UNC5C: variants seen among roughly 807,000 people sequenced by gnomAD.
The protein encoded by UNC5C is unc-5 netrin receptor C.
A neutral mutation model predicts 99.8 loss-of-function variants in UNC5C; 47 were observed. The observed-to-expected ratio is 0.47, with a 90% confidence interval of 0.37 to 0.60. The LOEUF (loss-of-function observed/expected upper bound fraction) is 0.60. Ranked by LOEUF, UNC5C falls within the 20% of genes least tolerant of loss-of-function variation. UNC5C has a pLI of 0.00. For missense variants in UNC5C, 1,062 were observed against 1,165.9 expected (o/e 0.91, Z 1.30); for synonymous variants, 487 against 452.2 (o/e 1.08, Z -0.98).
chr4:95,288,245 G>A (rs952418803), intron 3 of UNC5C, among the ~76,000 whole-genome samples: 1 of 151,972 alleles, frequency 6.6e-6, no homozygotes, highest in Non-Finnish European at 1.5e-5. Flanking sequence ...ACCATGCCTG[G>A]CTAATTTTTT....
At chr4:95,248,650 G>T in intron 5 of UNC5C, 1 of 442,958 alleles carries the variant, frequency 2.3e-6, no homozygotes, top group South Asian at 1.6e-5. Flanking sequence ...ATGCCAAGTG[G>T]CATATTTTGG....
At chr4:95,278,054 T>G (rs929323734) in intron 4 of UNC5C, among the ~76,000 whole-genome samples, 1 of 152,240 alleles carries the variant, frequency 6.6e-6, no homozygotes, top group Non-Finnish European at 1.5e-5. Flanking sequence ...TGCCTGTGGC[T>G]TTGTCCAATG....
chr4:95,229,797 CT>C (rs71583694), intron 7 of UNC5C, among the ~76,000 whole-genome samples: 221 of 79,540 alleles, frequency 2.8e-3, no homozygotes, highest in African/African-American at 8.3e-3. Context: ...CTGTTGTTTC[CT>C]TTTTTTTTTT....
At chr4:95,338,994 C>T (rs761493091) in intron 1 of UNC5C, among the ~76,000 whole-genome samples, 13 of 151,988 alleles carry the variant, frequency 8.6e-5, no homozygotes, top group Non-Finnish European at 1.3e-4. Context: ...GTCACATACC[C>T]GTGAAACCAG....
chr4:95,356,193 C>CAA lies in UNC5C; in HGVS notation c.125-20564_125-20563dup, dbSNP rs59097041. On this transcript the variant is annotated intron_variant, in intron 1 of 15. Transcript: ENST00000453304. Reference sequence around the variant, plus strand: ...TGGGTGACAGAGGAAGACCCTGTAGCAAAAAAAAAAAAAAAAAAACAAAAC... The same window carrying CAA: ...TGGGTGACAGAGGAAGACCCTGTAGCAAAAAAAAAAAAAAAAAAAAACAAAAC... Among the ~76,000 whole-genome samples the CAA allele has an allele frequency of 1.1e-3, 64 of 57,946 alleles. 1 individual carries two copies. The highest frequency in any genetic ancestry group is 1.6e-3 in the Non-Finnish European group (47 of 30,136). 38.0% of individuals were successfully genotyped at this position (57,946 alleles called of 152,430 possible).
chr4:95,482,687 T>G (rs79904411), intron 1 of UNC5C, among the ~76,000 whole-genome samples: 20,184 of 101,612 alleles, frequency 0.2, 909 homozygotes, highest in Non-Finnish European at 0.26. Flanking sequence ...CCATAAAAAA[T>G]GATGAGTTCA....
chr4:95,220,609 C>T (rs2149368513), intron 7 of UNC5C, among the ~76,000 whole-genome samples: 1 of 152,214 alleles, frequency 6.6e-6, no homozygotes, highest in Non-Finnish European at 1.5e-5. Context: ...ATTTATTGAA[C>T]CAGAATATTT....
At chr4:95,444,346 T>C (rs74905598) in intron 1 of UNC5C, among the ~76,000 whole-genome samples, 2 of 151,784 alleles carry the variant, frequency 1.3e-5, no homozygotes, top group Non-Finnish European at 2.9e-5. Context: ...TTTTTTTTTT[T>C]TTGAGACGGA....
chr4:95,540,455 C>T (rs913359313), intron 1 of UNC5C, among the ~76,000 whole-genome samples: 1 of 152,048 alleles, frequency 6.6e-6, no homozygotes, highest in Admixed American at 6.6e-5. Context: ...GGAGGCAGGG[C>T]GGGGAATGTC....
At chr4:95,344,443 A>G (rs1341452086) in intron 1 of UNC5C, among the ~76,000 whole-genome samples, 1 of 152,128 alleles carries the variant, frequency 6.6e-6, no homozygotes, top group African/African-American at 2.4e-5. Flanking sequence ...ATGAGATGCA[A>G]AAAGGAGTTC....
intron 1 of UNC5C, among the ~76,000 whole-genome samples, chr4:95,370,099 C>A (rs1247288563): frequency 1.3e-5 from 2 of 152,182 alleles, no homozygotes; most frequent in South Asian, 2.1e-4. Flanking sequence ...TAGCCAGTAG[C>A]CATATGTGGC....
intron 1 of UNC5C, among the ~76,000 whole-genome samples, chr4:95,544,125 G>C (rs1432833841): frequency 6.6e-6 from 1 of 152,274 alleles, no homozygotes; most frequent in East Asian, 1.9e-4. Flanking sequence ...ATTGTAACCT[G>C]TAGTATATAT....
intron 7 of UNC5C, among the ~76,000 whole-genome samples, chr4:95,237,363 A>C (rs13127658): frequency 6.6e-6 from 1 of 152,184 alleles, no homozygotes; most frequent in Non-Finnish European, 1.5e-5. Flanking sequence ...TTTTATTCCC[A>C]TTAGCAAAGT....
intron 4 of UNC5C, among the ~76,000 whole-genome samples, chr4:95,267,137 AC>A (rs1227785132): frequency 1.3e-5 from 2 of 152,206 alleles, no homozygotes; most frequent in Non-Finnish European, 2.9e-5. Flanking sequence ...CTCATGTTTT[AC>A]TATTAAAAAA....
rs534564212 is a variant in UNC5C, at chr4:95,230,799, C to A, written c.1109-10623G>T. Among the ~76,000 whole-genome samples, 8 of 151,862 alleles carry A rather than the reference C, an allele frequency of 5.3e-5. No individual in the cohort carries two copies. In the South Asian group the frequency reaches 6.2e-4, roughly 12 times the overall value. ...TAAAAATGAGACAGATCTGCCTTCA[C>A]ACATTGGCTCCAGCACTCATCTGTG... On this transcript the variant is annotated intron_variant, in intron 7 of 15. Coordinates refer to ENST00000453304, the MANE Select transcript of UNC5C (RefSeq NM_003728.4).
chr4:95,384,344 T>C (rs1222550744), intron 1 of UNC5C, among the ~76,000 whole-genome samples: 4 of 151,958 alleles, frequency 2.6e-5, no homozygotes, highest in Non-Finnish European at 4.4e-5. Flanking sequence ...ACAGGAGTAA[T>C]AGTATAAGTG....
chr4:95,395,644 T>C (rs1216427352), intron 1 of UNC5C, among the ~76,000 whole-genome samples: 2 of 152,178 alleles, frequency 1.3e-5, no homozygotes, highest in African/African-American at 4.8e-5. Context: ...GAGTTTCTAG[T>C]CCTGACTTTT....
chr4:95,449,071 A>G (rs1023149375), intron 1 of UNC5C, among the ~76,000 whole-genome samples: 2 of 152,280 alleles, frequency 1.3e-5, no homozygotes, highest in African/African-American at 2.4e-5. Flanking sequence ...CTGGGAAAAA[A>G]AAAACAAATT....
At chr4:95,380,685 C>T (rs1745044408) in intron 1 of UNC5C, among the ~76,000 whole-genome samples, 1 of 152,144 alleles carries the variant, frequency 6.6e-6, no homozygotes, top group Non-Finnish European at 1.5e-5. Context: ...TCTATAATGA[C>T]ATTTTTCTTA....
Sources: allele counts gnomAD v4.1 joint callset (sites outside exome capture counted in the v4.1 genomes callset), GRCh38; gene constraint gnomAD v4.1.1; transcripts MANE v1.5; gene names NCBI Gene and HGNC (gene_info 2026-07-23, HGNC 2026-07-21).